CKAP2: variants seen among roughly 807,000 people sequenced by gnomAD.
CKAP2 encodes the protein cytoskeleton associated protein 2.
In CKAP2, 46 loss-of-function variants were observed where a neutral mutation model predicts 58.4. The ratio of observed to expected loss-of-function variants is 0.79; its 90% confidence interval spans 0.62 to 1.01. The LOEUF (loss-of-function observed/expected upper bound fraction) is 1.01, where lower values mean the gene tolerates loss of function less well. Among genes scored for constraint, CKAP2 ranks in the 50% least tolerant of loss-of-function variants. The probability of loss-of-function intolerance (pLI) is 0.00; values close to 1 mark genes in which losing one functional copy is unlikely to be tolerated. For missense variants in CKAP2, 809 were observed against 796.4 expected, an observed-to-expected ratio of 1.02 and a Z score of -0.19; for synonymous variants, 293 against 280.9, an observed-to-expected ratio of 1.04 and a Z score of -0.43.
chr13:52,457,905 C>CACAT (rs1264452404), intron 2 of CKAP2, among the ~76,000 whole-genome samples: 2 of 151,794 alleles, frequency 1.3e-5, no homozygotes, highest in Non-Finnish European at 2.9e-5. Context: ...ACCACCCACA[C>CACAT]ACATATTCAG....
At chr13:52,469,449 C>G (rs952340034) in intron 7 of CKAP2, among the ~76,000 whole-genome samples, 3 of 152,120 alleles carry the variant, frequency 2.0e-5, no homozygotes, top group Non-Finnish European at 2.9e-5. Context: ...ATAAGAGATT[C>G]ATTAGTTGCC....
chr13:52,461,380 C>G lies in CKAP2; in HGVS notation c.554C>G (p.Ser185Cys), dbSNP rs1292570568. The change falls in exon 4 of 9, where the codon TCT becomes TGT. Residue 185 changes from serine to cysteine, a missense_variant. Around this residue, in one of 3 missense-constraint regions of CKAP2, gnomAD observed 523 missense variants for 492.4 expected, o/e 1.06. Coordinates refer to ENST00000258607, the MANE Select transcript of CKAP2 (RefSeq NM_018204.5). ...LGSYRGQIVQ[S>C]KINSFRKPLQ... is the part of the protein sequence containing the mutation. ...TCTTATCGTGGCCAGATTGTTCAGT[C>G]TAAGATTAATTCATTTAGAAAACCT... 1.9e-6 allele frequency: 3 copies of G among 1,614,172 alleles called. No homozygotes were observed. The South Asian group carries it at 3.3e-5, about 18-fold the overall frequency.
chr13:52,464,520 T>A (rs1382902959), intron 5 of CKAP2, among the ~76,000 whole-genome samples: 1 of 126,536 alleles, frequency 7.9e-6, no homozygotes, highest in Non-Finnish European at 1.6e-5. Context: ...GCCGTTGCAC[T>A]CCAGCCTGGG....
At chr13:52,460,751 C>T (rs1218810675) in intron 2 of CKAP2, 148 bp from the exon 3 acceptor site, 11 of 668,738 alleles carry the variant, frequency 1.6e-5, no homozygotes, top group Non-Finnish European at 2.4e-5. Flanking sequence ...CGCGCCTGGC[C>T]GCTTAGGACA....
intron 6 of CKAP2, among the ~76,000 whole-genome samples, chr13:52,467,749 C>G (rs1594140994): frequency 6.6e-6 from 1 of 151,298 alleles, no homozygotes; most frequent in Non-Finnish European, 1.5e-5. Flanking sequence ...TTCTATCCTT[C>G]ATTTTTACTC....
In CKAP2 at chr13:52,475,455, A is replaced by G. The variant is rs1261614225; in HGVS notation, c.*314A>G. ...TACCCTGTTCACTTTACTAAATATA[A>G]GTACAGTAATGATGCATAATTAGAA... On this transcript the variant is annotated 3_prime_UTR_variant, in exon 9 of 9. Transcript: ENST00000258607. The G allele has an allele frequency of 4.1e-5, 9 of 217,352 alleles. No individual in the cohort carries two copies. The highest frequency in any genetic ancestry group is 1.1e-4 in the Admixed American group (2 of 18,524). 13.5% of individuals were successfully genotyped at this position (217,352 alleles called of 1,614,324 possible).
At chr13:52,456,422 C>T in intron 1 of CKAP2, 101 bp from the exon 2 acceptor site, 1 of 966,622 alleles carries the variant, frequency 1.0e-6, no homozygotes, top group South Asian at 1.5e-5. Flanking sequence ...TCAGGTGGAA[C>T]CAGCTTTGGA....
At chr13:52,462,117 T>G (rs1958595612) in intron 4 of CKAP2, among the ~76,000 whole-genome samples, 191 bp downstream of exon 4, 1 of 152,244 alleles carries the variant, frequency 6.6e-6, no homozygotes, top group Admixed American at 6.5e-5. Flanking sequence ...ATAAGGTTGC[T>G]TTTTAAAATC....
intron 7 of CKAP2, among the ~76,000 whole-genome samples, chr13:52,472,532 A>G (rs190844905): frequency 2.5e-4 from 38 of 152,204 alleles, no homozygotes; most frequent in African/African-American, 7.0e-4. Context: ...AGGATGTCTC[A>G]CAAGTATTTC....
At chr13:52,459,521 C>T (rs886759117) in intron 2 of CKAP2, among the ~76,000 whole-genome samples, 3 of 152,048 alleles carry the variant, frequency 2.0e-5, no homozygotes, top group African/African-American at 7.2e-5. Context: ...CAGGGTTTCG[C>T]CGTGTTGGCC....
At chr13:52,474,164 C>A in intron 8 of CKAP2, 80 bp downstream of exon 8, 1 of 1,329,324 alleles carries the variant, frequency 7.5e-7, no homozygotes, top group Non-Finnish European at 1.0e-6. Context: ...TTTGAGATAG[C>A]TTCAGATTAC....
At chr13:52,457,846 T>C (rs893283654) in intron 2 of CKAP2, among the ~76,000 whole-genome samples, 15 of 125,756 alleles carry the variant, frequency 1.2e-4, no homozygotes, top group Non-Finnish European at 2.0e-4. Flanking sequence ...AGAGCGAGAC[T>C]CCGTCTCAAA....
At chr13:52,455,650 GGTGGCGGTGGCGGTGGCGGTGGC>G in intron 1 of CKAP2, 24 bp downstream of exon 1, 3 of 298,192 alleles carry the variant, frequency 1.0e-5, no homozygotes, top group Non-Finnish European at 1.6e-5. Flanking sequence ...TGGCGGTGGC[GGTGGCGGTGGCGGTGGCGGTGGC>G]GGGCGCGGGC....
intron 7 of CKAP2, among the ~76,000 whole-genome samples, chr13:52,470,052 T>G (rs991976808): frequency 2.0e-5 from 3 of 152,132 alleles, no homozygotes; most frequent in African/African-American, 7.2e-5. Context: ...CCATCGCCTA[T>G]ATATCTAGTT....
At chr13:52,455,806 A>G (rs1174808428) in intron 1 of CKAP2, among the ~76,000 whole-genome samples, 180 bp downstream of exon 1, 1 of 152,176 alleles carries the variant, frequency 6.6e-6, no homozygotes, top group Non-Finnish European at 1.5e-5. Flanking sequence ...GATCATAAAA[A>G]CAGGAACCGC....
intron 7 of CKAP2, among the ~76,000 whole-genome samples, chr13:52,473,143 A>G (rs1958782533): frequency 1.3e-5 from 2 of 151,856 alleles, no homozygotes; most frequent in South Asian, 2.1e-4. Flanking sequence ...TATTACAACA[A>G]CCTTGTCTTC....
In CKAP2 at chr13:52,475,741, A is replaced by G. The variant is rs374584816; in HGVS notation, c.*600A>G. 1 of 152,304 alleles carries G rather than the reference A, an allele frequency of 6.6e-6. No homozygotes were observed. The highest frequency in any genetic ancestry group is 1.9e-4 in the East Asian group (1 of 5,180). The allele number at this position is 152,304 out of a possible 1,614,324, so 9.4% of individuals were successfully genotyped here. A position where few individuals can be genotyped will look rare whatever the true frequency, so the allele number is the denominator to read the frequency against. ...TGATTGATGGAAAGTGTCTGCACTG[A>G]CACTTTTCGTCAGTAGTCTGTAGTT... On this transcript the variant is annotated 3_prime_UTR_variant, in exon 9 of 9. Transcript: ENST00000258607.
At chr13:52,471,152 G>A (rs989715570) in intron 7 of CKAP2, among the ~76,000 whole-genome samples, 5 of 151,464 alleles carry the variant, frequency 3.3e-5, no homozygotes, top group Non-Finnish European at 5.9e-5. Flanking sequence ...GTGAGACTCC[G>A]TGTCAAAAAG....
At position 52,461,087 on chromosome 13, in the gene CKAP2, A is replaced by G. The variant is rs1476499332; in HGVS notation, c.261A>G (p.Ala87=). The change falls in exon 4 of 9, where the codon GCA becomes GCG. Residue 87 remains alanine, a synonymous_variant. Coordinates refer to ENST00000258607, the MANE Select transcript of CKAP2 (RefSeq NM_018204.5). ...ATAAAGAAAACATGAAGAGACCTGC[A>G]GAGAGCAAAAATAATACAGTGGTGG... The part of the protein sequence containing the change: ...MADKENMKRP[A]ESKNNTVVGK... 17 of 1,604,790 alleles carry G rather than the reference A, an allele frequency of 1.1e-5. No homozygotes were observed. The highest frequency in any genetic ancestry group is 2.2e-5 in the East Asian group (1 of 44,804).
Sources: allele counts gnomAD v4.1 joint callset (sites outside exome capture counted in the v4.1 genomes callset), GRCh38; gene constraint gnomAD v4.1.1; regional missense constraint gnomAD v4.1.1; transcripts MANE v1.5; gene names NCBI Gene and HGNC (gene_info 2026-07-23, HGNC 2026-07-21).